The following FRAS1 variants were observed in gnomAD, a reference collection of about 807,000 sequenced individuals.
The protein encoded by FRAS1 is extracellular matrix organizing protein FRAS1.
A neutral mutation model predicts 435.2 loss-of-function variants in FRAS1; 290 were observed. The ratio of observed to expected loss-of-function variants is 0.67; its 90% CI spans 0.61 to 0.73. FRAS1 has a LOEUF of 0.73. Ranked by LOEUF, FRAS1 falls within the 30% of genes least tolerant of loss-of-function variation. The probability of loss-of-function intolerance (pLI) is 0.00; values close to 1 mark genes in which losing one functional copy is unlikely to be tolerated. For synonymous variants in FRAS1, 1,800 were observed against 1,851.0 expected (o/e 0.97, Z 0.71); for missense variants, 4,860 against 5,001.5 (o/e 0.97, Z 0.85).
intron 24 of FRAS1, 55 bp from the exon 25 acceptor site, chr4:78,374,056 C>T: frequency 1.3e-6 from 2 of 1,513,374 alleles, no homozygotes; most frequent in East Asian, 4.6e-5. Flanking sequence ...CCACAAAGGC[C>T]TGGAGCCCCT....
chr4:78,512,004 G>C (rs1721057258), intron 64 of FRAS1, among the ~76,000 whole-genome samples: 1 of 152,138 alleles, frequency 6.6e-6, no homozygotes, highest in Admixed American at 6.5e-5. Flanking sequence ...AGATGGTAAG[G>C]CCTGAAGACC....
chr4:78,484,659 A>G (rs1720114971), intron 58 of FRAS1, among the ~76,000 whole-genome samples: 1 of 152,196 alleles, frequency 6.6e-6, no homozygotes. Flanking sequence ...AGATTATGAC[A>G]CTTATATTAT....
intron 2 of FRAS1, among the ~76,000 whole-genome samples, chr4:78,141,145 A>G (rs891434154): frequency 2.6e-5 from 4 of 152,098 alleles, no homozygotes; most frequent in Non-Finnish European, 5.9e-5. Flanking sequence ...TGCTGCACCC[A>G]TCAACCCGTC....
At chr4:78,284,229 A>ATTTTGTTTTT (rs1727467129) in intron 12 of FRAS1, among the ~76,000 whole-genome samples, 176 bp from the exon 13 acceptor site, 1 of 80,818 alleles carries the variant, frequency 1.2e-5, no homozygotes, top group Non-Finnish European at 2.4e-5. Flanking sequence ...ATTGGAATGT[A>ATTTTGTTTTT]TTTTTTTTTT....
At chr4:78,140,459 ACCATGT>A (rs899144683) in intron 2 of FRAS1, among the ~76,000 whole-genome samples, 3 of 152,088 alleles carry the variant, frequency 2.0e-5, no homozygotes, top group Admixed American at 1.3e-4. Flanking sequence ...TTGTTGTATG[ACCATGT>A]GCAAATTATT....
At chr4:78,349,867 C>G (rs1730705765) in intron 20 of FRAS1, among the ~76,000 whole-genome samples, 1 of 34,578 alleles carries the variant, frequency 2.9e-5, no homozygotes, top group East Asian at 4.4e-4. Flanking sequence ...AAGGAACAAC[C>G]GGTACCAGCC....
intron 35 of FRAS1, among the ~76,000 whole-genome samples, chr4:78,427,080 AGTATT>A (rs1053735070): frequency 7.2e-5 from 11 of 152,192 alleles, no homozygotes; most frequent in Non-Finnish European, 1.6e-4. Flanking sequence ...TCAATGTGGC[AGTATT>A]GAGAGGTGGG....
chr4:78,194,203 G>C (rs1010810082), intron 2 of FRAS1, among the ~76,000 whole-genome samples: 80 of 151,736 alleles, frequency 5.3e-4, no homozygotes, highest in African/African-American at 1.4e-3. Context: ...CTGCCCTTAA[G>C]ATTTTTTCCT....
chr4:78,282,828 G>T lies in FRAS1; in HGVS notation c.1116G>T (p.Glu372Asp). 1 of 1,613,370 alleles carries T rather than the reference G, an allele frequency of 6.2e-7. No homozygotes were observed. The highest frequency in any genetic ancestry group is 8.5e-7 in the Non-Finnish European group (1 of 1,179,742). The change falls in exon 12 of 74, where the codon GAG becomes GAT. Residue 372 changes from glutamate (E) to aspartate (D), a missense_variant. Glu to Asp is a conservative substitution (Grantham distance 45). Coordinates refer to ENST00000512123, the MANE Select transcript of FRAS1 (RefSeq NM_025074.7). ...TTCACTTTTTTGCGTAGGAGGGAGAGAAGTGGGAAGATGGCCCTTGCAAGG... is the reference window on the plus strand; with the variant it reads ...TTCACTTTTTTGCGTAGGAGGGAGATAAGTGGGAAGATGGCCCTTGCAAGG... ...ASEVKRIPEG[E>D]KWEDGPCKVC...
At chr4:78,189,308 C>T (rs529282979) in intron 2 of FRAS1, among the ~76,000 whole-genome samples, 10 of 152,300 alleles carry the variant, frequency 6.6e-5, no homozygotes, top group East Asian at 3.9e-4. Flanking sequence ...GATGAATGGA[C>T]GAGGTAGTGC....
intron 38 of FRAS1, among the ~76,000 whole-genome samples, chr4:78,435,740 GA>G (rs34135859): frequency 0.34 from 46,247 of 137,380 alleles, 7,881 homozygotes; most frequent in Admixed American, 0.43. Context: ...TCTGTCTCAA[GA>G]AAAAAAAAAA....
Position 78,418,912 on chromosome 4 carries a change from T to C in FRAS1, c.4426-37T>C, listed in dbSNP as rs1454818104. The C allele has an allele frequency of 2.3e-6, 3 of 1,283,336 alleles. No individual in the cohort carries two copies. The East Asian group carries it at 7.3e-5, about 31-fold the overall frequency. 79.5% of individuals were successfully genotyped at this position (1,283,336 alleles called of 1,614,324 possible). On this transcript the variant is annotated intron_variant, in intron 32 of 73. Transcript: ENST00000512123. ...TTTTGCCTCTGGCTTTTGTTTTTCATACCATGTGTTCCTCTTCCTTCTTAA... is the reference window on the plus strand; with the variant it reads ...TTTTGCCTCTGGCTTTTGTTTTTCACACCATGTGTTCCTCTTCCTTCTTAA...
At chr4:78,394,352 T>G (rs1405281462) in intron 29 of FRAS1, among the ~76,000 whole-genome samples, 5 of 152,058 alleles carry the variant, frequency 3.3e-5, no homozygotes, top group Non-Finnish European at 7.4e-5. Flanking sequence ...TCAGGTCTTC[T>G]GTTTAAGTCT....
intron 2 of FRAS1, among the ~76,000 whole-genome samples, chr4:78,097,174 G>T (rs867586940): frequency 9.2e-5 from 14 of 152,302 alleles, no homozygotes; most frequent in Middle Eastern, 6.8e-3. Context: ...AGTCACCTTT[G>T]CTCCAGTTCC....
At chr4:78,113,384 A>T (rs553611079) in intron 2 of FRAS1, among the ~76,000 whole-genome samples, 1 of 152,244 alleles carries the variant, frequency 6.6e-6, no homozygotes, top group Non-Finnish European at 1.5e-5. Flanking sequence ...CTAGTTCTAG[A>T]TCCCTGAGGA....
intron 42 of FRAS1, 57 bp downstream of exon 42, chr4:78,445,769 TAG>T: frequency 6.4e-7 from 1 of 1,572,928 alleles, no homozygotes; most frequent in South Asian, 1.2e-5. Flanking sequence ...TTCACACCAT[TAG>T]AGAGCTTTCT....
chr4:78,278,911 A>G (rs1347129206), intron 10 of FRAS1, among the ~76,000 whole-genome samples, 167 bp downstream of exon 10: 1 of 152,240 alleles, frequency 6.6e-6, no homozygotes, highest in East Asian at 1.9e-4. Flanking sequence ...TACAACAGGC[A>G]GAGTTCCTGC....
chr4:78,238,034 G>A (rs183956571), intron 3 of FRAS1, among the ~76,000 whole-genome samples: 18 of 152,256 alleles, frequency 1.2e-4, no homozygotes, highest in Admixed American at 1.0e-3. Context: ...TGATGCCAAA[G>A]CTACTGACAT....
chr4:78,317,489 T>C lies in FRAS1; in HGVS notation c.1941T>C (p.Ser647=), dbSNP rs1400181193. 1 of 1,613,538 alleles carries C rather than the reference T, an allele frequency of 6.2e-7. No homozygotes were observed. Among genetic ancestry groups the C allele is most frequent in the Admixed American group, 1.7e-5 (1 of 59,976 alleles). Residue 647 remains serine (S), a synonymous_variant, in exon 17 of 74, where the codon TCT becomes TCC. Coordinates refer to ENST00000512123, the MANE Select transcript of FRAS1 (RefSeq NM_025074.7). ...CCCGCTGTGGAGAGGGTTTCTACTC[T>C]GACCATGGAGTCTGCAAAGGTATCG... is the stretch of plus-strand genomic sequence containing the variant. The part of the protein sequence containing the change: ...CLPRCGEGFY[S]DHGVCKACHS...
Sources: allele counts gnomAD v4.1 joint callset (sites outside exome capture counted in the v4.1 genomes callset), GRCh38; gene constraint gnomAD v4.1.1; transcripts MANE v1.5; gene names NCBI Gene and HGNC (gene_info 2026-07-23, HGNC 2026-07-21).